The following SMIM41 variants were observed in gnomAD, a reference collection of about 807,000 sequenced individuals.
The protein encoded by SMIM41 is small integral membrane protein 41.
At chr12:52,084,327 G>C (rs1939861483) in intron 2 of SMIM41, among the ~76,000 whole-genome samples, 1 of 151,478 alleles carries the variant, frequency 6.6e-6, no homozygotes, top group Admixed American at 6.6e-5. Flanking sequence ...CTCCAGCCTG[G>C]GTGACAAAGC....
chr12:52,096,483 G>T (rs1940096540), intron 2 of SMIM41, among the ~76,000 whole-genome samples: 1 of 151,736 alleles, frequency 6.6e-6, no homozygotes, highest in East Asian at 1.9e-4. Context: ...AGTAATATTA[G>T]TATTAATTAT....
chr12:52,101,528 A>G (rs186469633), intron 2 of SMIM41, among the ~76,000 whole-genome samples: 1 of 152,302 alleles, frequency 6.6e-6, no homozygotes, highest in Admixed American at 6.5e-5. Context: ...GAAGTGGATA[A>G]TTGGGTCCCA....
intron 2 of SMIM41, among the ~76,000 whole-genome samples, chr12:52,095,766 G>A (rs1037851858): frequency 1.3e-5 from 2 of 152,048 alleles, no homozygotes; most frequent in African/African-American, 4.8e-5. Context: ...TCACAGGGGG[G>A]CTGTACACAC....
intron 2 of SMIM41, among the ~76,000 whole-genome samples, chr12:52,098,192 T>G (rs1351381299): frequency 6.6e-6 from 1 of 151,906 alleles, no homozygotes; most frequent in African/African-American, 2.4e-5. Flanking sequence ...CCTCTGGAAG[T>G]TAGGGACAAT....
chr12:52,082,649 C>T (rs953246061), intron 1 of SMIM41, among the ~76,000 whole-genome samples: 3 of 151,750 alleles, frequency 2.0e-5, no homozygotes, highest in African/African-American at 4.8e-5. Flanking sequence ...GCCAGGCACC[C>T]GAACTCCTAG....
chr12:52,089,942 G>C (rs891217057), intron 2 of SMIM41, among the ~76,000 whole-genome samples: 4 of 152,118 alleles, frequency 2.6e-5, no homozygotes, highest in African/African-American at 4.8e-5. Context: ...CGTCTTTTTT[G>C]GGGGGGACAC....
At chr12:52,088,600 A>T (rs1328448365) in intron 2 of SMIM41, among the ~76,000 whole-genome samples, 3 of 152,012 alleles carry the variant, frequency 2.0e-5, no homozygotes, top group Non-Finnish European at 4.4e-5. Context: ...GTCACCAAAT[A>T]TGGTCCCTTC....
chr12:52,103,586 T>C (rs1940265013), intron 2 of SMIM41, among the ~76,000 whole-genome samples: 2 of 151,774 alleles, frequency 1.3e-5, no homozygotes, highest in South Asian at 4.2e-4. Flanking sequence ...TGGTGAAAGC[T>C]TGTCTCTATT....
chr12:52,096,748 A>C (rs2120696298), intron 2 of SMIM41, among the ~76,000 whole-genome samples: 1 of 151,916 alleles, frequency 6.6e-6, no homozygotes, highest in South Asian at 2.1e-4. Flanking sequence ...TTATATTATC[A>C]GTTATTAATA....
chr12:52,080,644 T>C (rs759616817), intron 1 of SMIM41, among the ~76,000 whole-genome samples: 33 of 152,206 alleles, frequency 2.2e-4, no homozygotes, highest in Non-Finnish European at 4.9e-4. Flanking sequence ...GCCCCAGCAC[T>C]GCCCACTCCA....
At chr12:52,082,737 TCCAGCC>T (rs550257667) in intron 1 of SMIM41, among the ~76,000 whole-genome samples, 186 of 152,280 alleles carry the variant, frequency 1.2e-3, no homozygotes, top group African/African-American at 4.4e-3. Context: ...CTAACCTTCC[TCCAGCC>T]CCTGAGATTT....
intron 2 of SMIM41, among the ~76,000 whole-genome samples, chr12:52,101,394 C>A (rs1410626477): frequency 2.0e-5 from 3 of 152,158 alleles, no homozygotes; most frequent in Non-Finnish European, 4.4e-5. Context: ...CTGTATACTC[C>A]AACCTGGGCA....
chr12:52,091,320 T>C (rs1159703140), intron 2 of SMIM41, among the ~76,000 whole-genome samples: 1 of 152,234 alleles, frequency 6.6e-6, no homozygotes, highest in African/African-American at 2.4e-5. Flanking sequence ...GGGGAGCTCC[T>C]GGGGGCTTCA....
At chr12:52,096,134 G>A (rs1398153733) in intron 2 of SMIM41, among the ~76,000 whole-genome samples, 1 of 151,916 alleles carries the variant, frequency 6.6e-6, no homozygotes, top group African/African-American at 2.4e-5. Context: ...TAATATCACA[G>A]GGTGGCTGCA....
chr12:52,098,510 TG>T (rs34282492), intron 2 of SMIM41, among the ~76,000 whole-genome samples: 52,052 of 146,768 alleles, frequency 0.35, 9,588 homozygotes, highest in Middle Eastern at 0.45. Context: ...AACAATATCG[TG>T]GGGGGGGGGG....
chr12:52,083,346 A>C (rs1249515743), intron 1 of SMIM41, among the ~76,000 whole-genome samples: 2 of 152,124 alleles, frequency 1.3e-5, no homozygotes, highest in African/African-American at 4.8e-5. Context: ...CCTGTTATTA[A>C]ATATGCTGGT....
At chr12:52,082,501 C>A (rs1939832936) in intron 1 of SMIM41, among the ~76,000 whole-genome samples, 1 of 152,174 alleles carries the variant, frequency 6.6e-6, no homozygotes, top group African/African-American at 2.4e-5. Context: ...GGAATTCTGA[C>A]CCTGGTCAAG....
chr12:52,099,347 C>T (rs1224146542), intron 2 of SMIM41, among the ~76,000 whole-genome samples: 1 of 151,734 alleles, frequency 6.6e-6, no homozygotes, highest in Non-Finnish European at 1.5e-5. Context: ...GGGTGGTTTA[C>T]ATCCCCTGCG....
chr12:52,098,800 A>C (rs1361585971), intron 2 of SMIM41, among the ~76,000 whole-genome samples: 1 of 150,810 alleles, frequency 6.6e-6, no homozygotes, highest in African/African-American at 2.4e-5. Flanking sequence ...CTTGGATATT[A>C]GGAAGGGTAT....
Sources: gnomAD v4.1 joint callset for allele counts (sites outside exome capture counted in the v4.1 genomes callset) on GRCh38, gnomAD v4.1.1 for gene constraint, MANE v1.5 for transcripts, NCBI Gene and HGNC (gene_info 2026-07-23, HGNC 2026-07-21) for gene names.